The following WT1 variants were observed in gnomAD, a reference collection of about 807,000 sequenced individuals.
The protein encoded by WT1 is Wilms tumor protein.
WT1 carries 8 observed loss-of-function variants against 60.8 expected under a neutral mutation model. The observed-to-expected ratio is 0.13, with a 90% CI of 0.08 to 0.24. WT1 has a LOEUF of 0.24. Ranked by LOEUF, WT1 falls within the 10% of genes least tolerant of loss-of-function variation. WT1 has a pLI of 1.00. For missense variants in WT1, 568 were observed against 711.8 expected (o/e 0.80, Z 2.30); for synonymous variants, 312 against 297.1 (o/e 1.05, Z -0.52).
At chr11:32,395,744 G>A (rs537606679) in intron 7 of WT1, among the ~76,000 whole-genome samples, 2 of 150,454 alleles carry the variant, frequency 1.3e-5, no homozygotes, top group Non-Finnish European at 2.9e-5. Context: ...TTACAGGCGT[G>A]AGCCCCCATG....
chr11:32,423,416 T>A (rs1466152267), intron 3 of WT1, among the ~76,000 whole-genome samples: 1 of 152,260 alleles, frequency 6.6e-6, no homozygotes, highest in Non-Finnish European at 1.5e-5. Flanking sequence ...TCAAGCCTGC[T>A]TCTGATAATG....
chr11:32,412,838 C>T (rs1852545723), intron 5 of WT1, among the ~76,000 whole-genome samples: 1 of 151,850 alleles, frequency 6.6e-6, no homozygotes, highest in Non-Finnish European at 1.5e-5. Context: ...TAGCTGTGAT[C>T]CCAGTGGGTA....
Position 32,388,879 on chromosome 11 carries a change from G to T in WT1, c.*179C>A. 1 of 1,141,418 alleles carries T rather than the reference G, an allele frequency of 8.8e-7. No homozygotes were observed. Among genetic ancestry groups the T allele is most frequent in the African/African-American group, 1.5e-5 (1 of 64,862 alleles). The allele number at this position is 1,141,418 out of a possible 1,614,324, so 70.7% of individuals were successfully genotyped here. A position where few individuals can be genotyped will look rare whatever the true frequency, so the allele number is the denominator to read the frequency against. On this transcript the variant is annotated 3_prime_UTR_variant, in exon 10 of 10. Coordinates refer to ENST00000452863, the MANE Select transcript of WT1 (RefSeq NM_024426.6). ...GTCAACTAAAAGTAGGCAGGGCAGAGACCAACTCTTCCAGGCACACCTGGT... is the reference window on the plus strand; with the variant it reads ...GTCAACTAAAAGTAGGCAGGGCAGATACCAACTCTTCCAGGCACACCTGGT...
At chr11:32,402,283 A>C (rs1172668758) in intron 5 of WT1, among the ~76,000 whole-genome samples, 1 of 152,256 alleles carries the variant, frequency 6.6e-6, no homozygotes, top group East Asian at 1.9e-4. Context: ...AATTGGGCAA[A>C]AATGCCAAAC....
Position 32,387,985 on chromosome 11 carries a change from AAAAAC to A in WT1, c.*1068_*1072del. On this transcript the variant is annotated 3_prime_UTR_variant, in exon 10 of 10. Transcript: ENST00000452863. The stretch of plus-strand genomic sequence containing the variant: ...GGTAAATAATAAATTCCCTCCCTTA[AAAAAC>A]AAAACACAACACAACACACACACAC... The A allele has an allele frequency of 4.4e-6, 1 of 229,330 alleles. No individual in the cohort carries two copies. The highest frequency in any genetic ancestry group is 8.4e-6 in the Non-Finnish European group (1 of 119,116). 14.2% of individuals were successfully genotyped at this position (229,330 alleles called of 1,614,324 possible).
intron 3 of WT1, among the ~76,000 whole-genome samples, chr11:32,419,127 A>T (rs1412307201): frequency 6.6e-6 from 1 of 152,240 alleles, no homozygotes; most frequent in Non-Finnish European, 1.5e-5. Flanking sequence ...TCTGTGCCAC[A>T]ACATTTTGCA....
At chr11:32,391,511 A>G (rs1362277394) in intron 9 of WT1, among the ~76,000 whole-genome samples, 1 of 152,252 alleles carries the variant, frequency 6.6e-6, no homozygotes, top group East Asian at 1.9e-4. Flanking sequence ...CTGGTCCAGC[A>G]GAAACCAAGA....
chr11:32,432,558 T>C (rs1348855186), intron 1 of WT1, among the ~76,000 whole-genome samples: 1 of 152,238 alleles, frequency 6.6e-6, no homozygotes, highest in Non-Finnish European at 1.5e-5. Flanking sequence ...CCAGGCTATA[T>C]GACTTGAATC....
intron 6 of WT1, among the ~76,000 whole-genome samples, chr11:32,398,452 G>T (rs1852040752): frequency 6.6e-6 from 1 of 152,300 alleles, no homozygotes; most frequent in Non-Finnish European, 1.5e-5. Context: ...CAGACCAAAA[G>T]TGTCTATTGA....
At chr11:32,396,150 T>C in intron 7 of WT1, 107 bp downstream of exon 7, 4 of 1,518,554 alleles carry the variant, frequency 2.6e-6, no homozygotes, top group Admixed American at 1.7e-5. Flanking sequence ...TTCAAAGCAG[T>C]GCTTACTTTC....
intron 1 of WT1, among the ~76,000 whole-genome samples, chr11:32,429,362 C>T (rs990309226): frequency 6.6e-6 from 1 of 151,854 alleles, no homozygotes; most frequent in Non-Finnish European, 1.5e-5. Flanking sequence ...GGCTGGACAA[C>T]CAATTTCCTT....
At chr11:32,430,484 G>GAGAGAC in intron 1 of WT1, 2 of 1,584,764 alleles carry the variant, frequency 1.3e-6, no homozygotes, top group Non-Finnish European at 1.7e-6. Flanking sequence ...GAGAGAGAGA[G>GAGAGAC]AGAGAGACGA....
At chr11:32,427,308 G>A (rs1371641632) in intron 3 of WT1, among the ~76,000 whole-genome samples, 1 of 152,250 alleles carries the variant, frequency 6.6e-6, no homozygotes, top group Non-Finnish European at 1.5e-5. Context: ...GCACGGAGCG[G>A]GGAAAAGCTT....
intron 5 of WT1, among the ~76,000 whole-genome samples, chr11:32,411,475 G>A (rs1852496377): frequency 1.3e-5 from 2 of 152,140 alleles, no homozygotes; most frequent in African/African-American, 4.8e-5. Context: ...TGACACAAAT[G>A]TACATGCATG....
intron 1 of WT1, chr11:32,430,857 G>C: frequency 8.1e-7 from 1 of 1,234,792 alleles, no homozygotes; most frequent in Non-Finnish European, 1.0e-6. Flanking sequence ...GAAGCTTATC[G>C]GACACGGGTT....
chr11:32,404,930 T>A (rs891947290), intron 5 of WT1, among the ~76,000 whole-genome samples: 2 of 152,218 alleles, frequency 1.3e-5, no homozygotes, highest in African/African-American at 4.8e-5. Context: ...ACTGGGTTTT[T>A]TTCCTACTTG....
At chr11:32,408,556 AAAG>A (rs1564981701) in intron 5 of WT1, among the ~76,000 whole-genome samples, 1 of 150,700 alleles carries the variant, frequency 6.6e-6, no homozygotes. Flanking sequence ...AAGAAAGAAA[AAAG>A]AAAAGAAGGA....
In WT1 at chr11:32,435,502, G is replaced by C. The variant is rs1853493259; in HGVS notation, c.-142C>G. ...CGGTCGGGTTGCGGAGAGCCCCCGG[G>C]TGTGGGCGCTGCCTTGAACTCCTTA... On this transcript the variant is annotated 5_prime_UTR_variant, in exon 1 of 10. Coordinates refer to ENST00000452863, the MANE Select transcript of WT1 (RefSeq NM_024426.6). 7.5e-7 allele frequency: 1 copy of C among 1,338,072 alleles called. No homozygotes were observed. The highest frequency in any genetic ancestry group is 1.5e-5 in the African/African-American group (1 of 68,944). The allele number at this position is 1,338,072 out of a possible 1,614,324, so 82.9% of individuals were successfully genotyped here.
chr11:32,404,069 C>A (rs1031860636), intron 5 of WT1, among the ~76,000 whole-genome samples: 6 of 151,634 alleles, frequency 4.0e-5, no homozygotes, highest in Non-Finnish European at 7.4e-5. Flanking sequence ...GTTAGGAGAT[C>A]GAGACCAGCC....
Sources: allele counts gnomAD v4.1 joint callset (sites outside exome capture counted in the v4.1 genomes callset), GRCh38; gene constraint gnomAD v4.1.1; transcripts MANE v1.5; gene names NCBI Gene and HGNC (gene_info 2026-07-23, HGNC 2026-07-21).